Variants in EYA1 observed in about 807,000 individuals in gnomAD.
The protein encoded by EYA1 is EYA transcriptional coactivator and phosphatase 1.
Under a neutral mutation model 82.0 loss-of-function variants are expected in EYA1, and 16 were observed. That is an observed-to-expected ratio of 0.20 (90% CI 0.13 to 0.30). The LOEUF is 0.30. Ranked by LOEUF, EYA1 falls within the 10% of genes least tolerant of loss-of-function variation. The pLI, the probability that EYA1 is intolerant of heterozygous loss-of-function variation, is 1.00. For missense variants in EYA1, 633 were observed against 730.7 expected, an observed-to-expected ratio of 0.87 and a Z score of 1.54; for synonymous variants, 261 against 264.4, an observed-to-expected ratio of 0.99 and a Z score of 0.12.
intron 2 of EYA1, among the ~76,000 whole-genome samples, chr8:71,381,724 CCT>C (rs1424125307): frequency 5.3e-5 from 8 of 152,198 alleles, no homozygotes; most frequent in Non-Finnish European, 7.3e-5. Context: ...AGAATCTTCC[CCT>C]CTTTCTTGTC....
At chr8:71,536,780 A>T (rs912872883) in intron 1 of EYA1, among the ~76,000 whole-genome samples, 7 of 152,326 alleles carry the variant, frequency 4.6e-5, no homozygotes, top group South Asian at 4.1e-4. Flanking sequence ...ACTTTTTATA[A>T]AAGTACTTGA....
At chr8:71,533,256 C>T (rs1047525767) in intron 2 of EYA1, among the ~76,000 whole-genome samples, 1 of 152,196 alleles carries the variant, frequency 6.6e-6, no homozygotes, top group African/African-American at 2.4e-5. Context: ...AGACTTGTGC[C>T]TTTTAATCCA....
chr8:71,512,406 A>T (rs1812669777), intron 2 of EYA1, among the ~76,000 whole-genome samples: 1 of 152,092 alleles, frequency 6.6e-6, no homozygotes, highest in Non-Finnish European at 1.5e-5. Context: ...AAAAGAAAAA[A>T]AAAGCTCAGA....
intron 2 of EYA1, among the ~76,000 whole-genome samples, chr8:71,512,208 G>A (rs868170954): frequency 6.6e-6 from 1 of 152,140 alleles, no homozygotes; most frequent in Non-Finnish European, 1.5e-5. Flanking sequence ...TAATTTTTCA[G>A]AGTGGCTTCC....
intron 2 of EYA1, among the ~76,000 whole-genome samples, chr8:71,445,888 G>C (rs1485971212): frequency 1.3e-5 from 2 of 152,140 alleles, no homozygotes; most frequent in East Asian, 1.9e-4. Context: ...AAAGGTATGA[G>C]TTATACAGGA....
chr8:71,300,406 T>C (rs899332533), intron 7 of EYA1, among the ~76,000 whole-genome samples: 1 of 152,188 alleles, frequency 6.6e-6, no homozygotes, highest in African/African-American at 2.4e-5. Flanking sequence ...TACTATTTTG[T>C]TATTAAGCTA....
intron 9 of EYA1, among the ~76,000 whole-genome samples, chr8:71,273,882 A>G (rs1816832073): frequency 6.6e-6 from 1 of 152,248 alleles, no homozygotes; most frequent in Non-Finnish European, 1.5e-5. Flanking sequence ...TACCGACAGT[A>G]TAATTTTGTC....
At chr8:71,498,712 A>G (rs1306855024) in intron 2 of EYA1, among the ~76,000 whole-genome samples, 7 of 152,116 alleles carry the variant, frequency 4.6e-5, no homozygotes, top group Non-Finnish European at 1.0e-4. Context: ...TGGGCAATCA[A>G]TCTCCGAGTC....
chr8:71,398,869 G>T (rs151142090), intron 2 of EYA1, among the ~76,000 whole-genome samples: 1 of 152,232 alleles, frequency 6.6e-6, no homozygotes, highest in African/African-American at 2.4e-5. Context: ...GCTGCCTTTT[G>T]TTCAGCTATG....
chr8:71,327,240 T>C (rs1479906966), intron 4 of EYA1, among the ~76,000 whole-genome samples: 1 of 152,220 alleles, frequency 6.6e-6, no homozygotes, highest in African/African-American at 2.4e-5. Context: ...ATATAGCAGG[T>C]GCTCAATAAA....
chr8:71,455,306 C>T (rs777113125), intron 2 of EYA1, among the ~76,000 whole-genome samples: 1 of 152,196 alleles, frequency 6.6e-6, no homozygotes, highest in Non-Finnish European at 1.5e-5. Context: ...CAGACAGATT[C>T]ACTGCCGAAT....
chr8:71,289,512 C>G (rs1352898178), intron 9 of EYA1, among the ~76,000 whole-genome samples: 1 of 152,156 alleles, frequency 6.6e-6, no homozygotes, highest in Non-Finnish European at 1.5e-5. Flanking sequence ...CTTTAGGACT[C>G]TCTGTTTACA....
At chr8:71,199,559 T>G in intron 17 of EYA1, 139 bp from the exon 18 acceptor site, 1 of 683,468 alleles carries the variant, frequency 1.5e-6, no homozygotes, top group African/African-American at 1.8e-5. Context: ...ATCACATCTG[T>G]TTAAAACAAA....
chr8:71,463,616 TCTCTCTCTCTCTCTCTCC>T (rs1808552014), intron 2 of EYA1, among the ~76,000 whole-genome samples: 183 of 111,514 alleles, frequency 1.6e-3, no homozygotes, highest in Non-Finnish European at 2.6e-3. Context: ...TCTCTCTCTC[TCTCTCTCTCTCTCTCTCC>T]CTCCCTCCCC....
At chr8:71,369,493 C>T (rs1827966519) in intron 2 of EYA1, among the ~76,000 whole-genome samples, 1 of 152,198 alleles carries the variant, frequency 6.6e-6, no homozygotes, top group Admixed American at 6.5e-5. Flanking sequence ...TAATTTATAA[C>T]TAGCTAGCTA....
intron 2 of EYA1, among the ~76,000 whole-genome samples, chr8:71,451,289 C>A (rs1274121487): frequency 6.6e-6 from 1 of 152,020 alleles, no homozygotes. Flanking sequence ...AAATATGGAA[C>A]AAACAAAATA....
intron 2 of EYA1, among the ~76,000 whole-genome samples, chr8:71,421,383 C>G (rs961481192): frequency 2.6e-4 from 39 of 152,192 alleles, no homozygotes; most frequent in African/African-American, 8.7e-4. Flanking sequence ...AACTGAAGGC[C>G]AAGAAAAGTG....
At chr8:71,504,165 C>A (rs527541696) in intron 2 of EYA1, among the ~76,000 whole-genome samples, 2 of 151,920 alleles carry the variant, frequency 1.3e-5, no homozygotes, top group African/African-American at 4.8e-5. Flanking sequence ...TTTTTATTTA[C>A]TATAATTACA....
intron 16 of EYA1, among the ~76,000 whole-genome samples, chr8:71,213,543 T>G (rs986077425): frequency 6.6e-6 from 1 of 152,272 alleles, no homozygotes; most frequent in Non-Finnish European, 1.5e-5. Context: ...AATGGGCTAC[T>G]AGGAATTTTA....
Sources: gnomAD v4.1 joint callset for allele counts (sites outside exome capture counted in the v4.1 genomes callset) on GRCh38, gnomAD v4.1.1 for gene constraint, MANE v1.5 for transcripts, NCBI Gene and HGNC (gene_info 2026-07-23, HGNC 2026-07-21) for gene names.